MYO3A: variants seen among roughly 807,000 people sequenced by gnomAD.
The protein encoded by MYO3A is myosin IIIA.
Under a neutral mutation model 192.7 loss-of-function variants are expected in MYO3A, and 180 were observed. The ratio of observed to expected loss-of-function variants is 0.93; its 90% CI spans 0.83 to 1.06. MYO3A has a LOEUF of 1.06. Ranked by LOEUF, MYO3A falls within the 50% of genes least tolerant of loss-of-function variation. The probability of loss-of-function intolerance (pLI) is 0.00; values close to 1 mark genes in which losing one functional copy is unlikely to be tolerated. For synonymous variants in MYO3A, 628 were observed against 645.3 expected (o/e 0.97, Z 0.41); for missense variants, 1,896 against 1,905.0 (o/e 1.00, Z 0.09).
chr10:26,130,459 G>C (rs1488029642), intron 20 of MYO3A, among the ~76,000 whole-genome samples: 5 of 152,068 alleles, frequency 3.3e-5, no homozygotes, highest in African/African-American at 1.2e-4. Flanking sequence ...TGATCCCAAT[G>C]CTCTTAATTC....
intron 17 of MYO3A, among the ~76,000 whole-genome samples, chr10:26,098,611 G>C (rs565975369): frequency 1.8e-4 from 28 of 152,326 alleles, no homozygotes; most frequent in African/African-American, 6.5e-4. Context: ...AAGGGATCCA[G>C]TTTCAACTTT....
At chr10:26,062,387 C>T (rs1472833728) in intron 10 of MYO3A, among the ~76,000 whole-genome samples, 2 of 150,494 alleles carry the variant, frequency 1.3e-5, no homozygotes, top group Non-Finnish European at 3.0e-5. Flanking sequence ...TGCATGGTAG[C>T]GCGCCTGTAG....
chr10:26,001,212 T>C (rs551739482), intron 6 of MYO3A, among the ~76,000 whole-genome samples: 1 of 152,268 alleles, frequency 6.6e-6, no homozygotes, highest in East Asian at 1.9e-4. Flanking sequence ...TCTGCGGCAT[T>C]CCTGTCTGCG....
intron 6 of MYO3A, among the ~76,000 whole-genome samples, chr10:26,016,559 G>A (rs1841995017): frequency 6.6e-6 from 1 of 152,146 alleles, no homozygotes. Flanking sequence ...CAGATTAAAA[G>A]CCAGCATGGG....
intron 10 of MYO3A, among the ~76,000 whole-genome samples, chr10:26,058,303 T>C (rs776769824): frequency 2.0e-5 from 3 of 152,264 alleles, no homozygotes; most frequent in Non-Finnish European, 4.4e-5. Context: ...CCATGTTTTT[T>C]TCATGGCTTG....
At chr10:25,940,289 G>C (rs1441730862) in intron 2 of MYO3A, among the ~76,000 whole-genome samples, 1 of 150,458 alleles carries the variant, frequency 6.6e-6, no homozygotes, top group African/African-American at 2.4e-5. Flanking sequence ...AATGACTTTT[G>C]TAAAGTCAGG....
intron 2 of MYO3A, among the ~76,000 whole-genome samples, chr10:25,938,430 G>A (rs1371509316): frequency 6.6e-6 from 1 of 152,202 alleles, no homozygotes; most frequent in Non-Finnish European, 1.5e-5. Context: ...TGTGGATTTT[G>A]TGGGGTTTTT....
rs1840407668 is a variant in MYO3A, at chr10:26,145,476, A to G, written c.2447A>G (p.Tyr816Cys). 1.9e-6 allele frequency: 3 copies of G among 1,609,638 alleles called. No individual in the cohort carries two copies. Among genetic ancestry groups the G allele is most frequent in the Non-Finnish European group, 2.6e-6 (3 of 1,175,988 alleles). ...EKFEGNLKSQ[Y>C]FWRPKRMELS... is the part of the protein sequence containing the mutation. ...TTTGAAGGTAACCTGAAATCACAAT[A>G]CTTCTGGAGACCCAAAAGAATGGAA... The change falls in exon 22 of 35, where the codon TAC (tyrosine) becomes TGC (cysteine). Residue 816 changes from tyrosine to cysteine, a missense_variant. By Grantham distance (194) the Tyr-to-Cys change is radical. Transcript: ENST00000642920.
chr10:26,016,370 C>T (rs1476138095), intron 6 of MYO3A, among the ~76,000 whole-genome samples: 1 of 152,166 alleles, frequency 6.6e-6, no homozygotes, highest in East Asian at 1.9e-4. Context: ...TCACAAGTCA[C>T]CTACTATGTG....
chr10:26,068,642 C>G, intron 11 of MYO3A, 126 bp from the exon 12 acceptor site: 1 of 604,192 alleles, frequency 1.7e-6, no homozygotes. Context: ...TTTTTACTAT[C>G]AGTGTGTCTG....
intron 10 of MYO3A, among the ~76,000 whole-genome samples, chr10:26,027,342 A>G (rs116417131): frequency 0.076 from 9,255 of 122,106 alleles, 367 homozygotes; most frequent in Non-Finnish European, 0.11. Flanking sequence ...TTCTTGTTGG[A>G]TATACTTTTT....
At chr10:26,158,357 A>G (rs987166361) in intron 26 of MYO3A, among the ~76,000 whole-genome samples, 3 of 150,862 alleles carry the variant, frequency 2.0e-5, no homozygotes, top group African/African-American at 7.3e-5. Flanking sequence ...GGCTCATGCC[A>G]TTCTTCTGCC....
chr10:26,155,964 T>G (rs1229402377), intron 25 of MYO3A, among the ~76,000 whole-genome samples: 5 of 152,184 alleles, frequency 3.3e-5, no homozygotes. Context: ...TAATCCCACC[T>G]AACATGAAGT....
intron 10 of MYO3A, among the ~76,000 whole-genome samples, chr10:26,032,364 C>A (rs1842839046): frequency 6.6e-6 from 1 of 152,200 alleles, no homozygotes; most frequent in Non-Finnish European, 1.5e-5. Flanking sequence ...CGCCTGTAAT[C>A]CCAGCACTTT....
At chr10:26,087,091 A>G (rs1213235286) in intron 14 of MYO3A, among the ~76,000 whole-genome samples, 1 of 152,206 alleles carries the variant, frequency 6.6e-6, no homozygotes, top group Non-Finnish European at 1.5e-5. Flanking sequence ...TGGTAGATAG[A>G]ACTTACCTTT....
intron 22 of MYO3A, among the ~76,000 whole-genome samples, chr10:26,146,289 G>A (rs571607800): frequency 8.5e-5 from 13 of 152,278 alleles, no homozygotes; most frequent in African/African-American, 3.1e-4. Flanking sequence ...GATCAAGAAA[G>A]AATGTATCAA....
At chr10:26,080,754 G>A (rs886956450) in intron 14 of MYO3A, among the ~76,000 whole-genome samples, 4 of 152,144 alleles carry the variant, frequency 2.6e-5, no homozygotes, top group Non-Finnish European at 5.9e-5. Context: ...TTCCCTTGAT[G>A]TAGTACTCTC....
chr10:26,040,661 G>A (rs1843292546), intron 10 of MYO3A, among the ~76,000 whole-genome samples: 1 of 152,062 alleles, frequency 6.6e-6, no homozygotes, highest in Admixed American at 6.6e-5. Context: ...TATTCTTGGG[G>A]TAAATGGGAA....
At chr10:26,007,827 A>T (rs1011998251) in intron 6 of MYO3A, among the ~76,000 whole-genome samples, 34 of 151,874 alleles carry the variant, frequency 2.2e-4, no homozygotes, top group African/African-American at 7.8e-4. Context: ...TTATAGATTC[A>T]TTGCCATCCC....
Sources: gnomAD v4.1 joint callset for allele counts (sites outside exome capture counted in the v4.1 genomes callset) on GRCh38, gnomAD v4.1.1 for gene constraint, MANE v1.5 for transcripts, NCBI Gene and HGNC (gene_info 2026-07-23, HGNC 2026-07-21) for gene names.